QRSL1: variants seen among roughly 807,000 people sequenced by gnomAD.
The protein encoded by QRSL1 is glutamyl-tRNA(Gln) amidotransferase subunit A, mitochondrial.
QRSL1 carries 54 observed loss-of-function variants against 61.6 expected under a neutral mutation model. That is an observed-to-expected ratio of 0.88 (90% CI 0.70 to 1.10). QRSL1 has a LOEUF of 1.10. Among genes scored for constraint, QRSL1 ranks in the 50% least tolerant of loss-of-function variants. The pLI, the probability that QRSL1 is intolerant of heterozygous loss-of-function variation, is 0.00. For missense variants in QRSL1, 505 were observed against 622.6 expected (o/e 0.81, Z 2.01); for synonymous variants, 228 against 225.7 (o/e 1.01, Z -0.09).
intron 9 of QRSL1, among the ~76,000 whole-genome samples, chr6:106,660,981 G>C (rs1704062877): frequency 6.6e-6 from 1 of 152,010 alleles, no homozygotes; most frequent in African/African-American, 2.4e-5. Context: ...AGTTTTGGAG[G>C]GGACAAGCAT....
intron 9 of QRSL1, among the ~76,000 whole-genome samples, chr6:106,661,403 A>G (rs1435032593): frequency 1.3e-5 from 2 of 152,018 alleles, no homozygotes; most frequent in African/African-American, 2.4e-5. Context: ...ATGAGCCACC[A>G]GGCCCAGCCA....
At chr6:106,658,910 A>G (rs1480344510) in intron 9 of QRSL1, among the ~76,000 whole-genome samples, 1 of 152,056 alleles carries the variant, frequency 6.6e-6, no homozygotes, top group African/African-American at 2.4e-5. Context: ...CTTCACATGT[A>G]TATTAATCTG....
intron 1 of QRSL1, among the ~76,000 whole-genome samples, chr6:106,634,559 G>T (rs1329729960): frequency 6.6e-6 from 1 of 152,198 alleles, no homozygotes; most frequent in African/African-American, 2.4e-5. Context: ...CTGAGCTCAG[G>T]AGTTCAAGAC....
intron 1 of QRSL1, chr6:106,640,139 G>A: frequency 2.3e-6 from 1 of 441,468 alleles, no homozygotes; most frequent in East Asian, 4.0e-5. Flanking sequence ...GGAGAAGAAT[G>A]TCATGTCCTC....
chr6:106,652,563 T>G lies in QRSL1; in HGVS notation c.830T>G (p.Leu277Arg), dbSNP rs144453885. 326 of 1,614,102 alleles carry G rather than the reference T, an allele frequency of 2.0e-4. No homozygotes were observed. The highest frequency in any genetic ancestry group is 2.5e-4 in the Non-Finnish European group (299 of 1,180,054). The change falls in exon 7 of 11, where the codon CTA becomes CGA. Residue 277 changes from leucine (L) to arginine (R), a missense_variant. Physicochemically the swap from Leu to Arg is moderately radical, Grantham distance 102. Transcript: ENST00000369046. ...CCCAGTTTGGCAGATGTGAGCAAAC[T>G]ATGTATAGGAATTCCAAAGGTAACT... ...MLPSLADVSK[L>R]CIGIPKEYLV...
At chr6:106,649,909 TA>T (rs1466652117) in intron 5 of QRSL1, among the ~76,000 whole-genome samples, 2 of 152,324 alleles carry the variant, frequency 1.3e-5, no homozygotes, top group East Asian at 3.9e-4. Flanking sequence ...TGTGTTTCTT[TA>T]GTAATAGTTT....
chr6:106,652,234 T>C lies in QRSL1; in HGVS notation c.583T>C (p.Ser195Pro), dbSNP rs1427260646. ...GGCTTTAGGATCAGATACAGGAGGA[T>C]CGACCAGAAATCCTGCTGCCCACTG... is the stretch of plus-strand genomic sequence containing the variant. ...YAALGSDTGG[S>P]TRNPAAHCGL... Residue 195 changes from serine to proline, a missense_variant, in exon 6 of 11, where the codon TCG (serine) becomes CCG (proline). Transcript: ENST00000369046. 2.5e-6 allele frequency: 4 copies of C among 1,614,080 alleles called. No homozygotes were observed. The highest frequency in any genetic ancestry group is 3.4e-6 in the Non-Finnish European group (4 of 1,179,964).
At chr6:106,651,402 A>T (rs1259300027) in intron 5 of QRSL1, among the ~76,000 whole-genome samples, 8 of 152,172 alleles carry the variant, frequency 5.3e-5, no homozygotes, top group Non-Finnish European at 1.0e-4. Flanking sequence ...GTACTCAGTG[A>T]CGGTACTGAA....
Position 106,663,128 on chromosome 6 carries a change from G to C in QRSL1, c.1309G>C (p.Asp437His). Reference sequence around the variant, plus strand: ...ACCATACTTGGAGTTCATCAAAGAGGACAACAGAACCCGAAGTGCCCAGGA... The same window carrying C: ...ACCATACTTGGAGTTCATCAAAGAGCACAACAGAACCCGAAGTGCCCAGGA... ...AVPYLEFIKE[D>H]NRTRSAQDDI... The change falls in exon 10 of 11, where the codon GAC becomes CAC. Residue 437 changes from aspartate to histidine, a missense_variant. Physicochemically the swap from Asp to His is moderately conservative, Grantham distance 81. Transcript: ENST00000369046. The C allele has an allele frequency of 6.2e-7, 1 of 1,614,198 alleles. No homozygotes were observed. Among genetic ancestry groups the C allele is most frequent in the Non-Finnish European group, 8.5e-7 (1 of 1,180,032 alleles).
At chr6:106,648,776 A>G (rs1010054469) in intron 4 of QRSL1, among the ~76,000 whole-genome samples, 7 of 152,232 alleles carry the variant, frequency 4.6e-5, no homozygotes, top group African/African-American at 1.7e-4. Context: ...GATGATCAAA[A>G]GAGGCAAAAT....
At chr6:106,663,771 C>A (rs1056748409) in intron 10 of QRSL1, among the ~76,000 whole-genome samples, 1 of 152,066 alleles carries the variant, frequency 6.6e-6, no homozygotes, top group African/African-American at 2.4e-5. Flanking sequence ...TGCACTCTCA[C>A]CACACACACA....
intron 4 of QRSL1, among the ~76,000 whole-genome samples, chr6:106,645,240 A>T (rs1476175174): frequency 6.6e-6 from 1 of 152,202 alleles, no homozygotes; most frequent in African/African-American, 2.4e-5. Flanking sequence ...TAAGCTTGCT[A>T]ATTTCTACAA....
rs1368299266 is a variant in QRSL1, at chr6:106,649,114, A to G, written c.470A>G (p.His157Arg). Residue 157 changes from histidine to arginine, a missense_variant, in exon 5 of 11, where the codon CAC becomes CGC. His to Arg is a conservative substitution (Grantham distance 29). Coordinates refer to ENST00000369046, the MANE Select transcript of QRSL1 (RefSeq NM_018292.5). ...AGAGAAAAGAGGAAGCAGAATCCCC[A>G]CAGCGAGAATGAAGATTCAGACTGG... Reference protein sequence around the residue: ...QYREKRKQNPHSENEDSDWLI... With the variant: ...QYREKRKQNPRSENEDSDWLI... 1 of 1,614,102 alleles carries G rather than the reference A, an allele frequency of 6.2e-7. No homozygotes were observed. Among genetic ancestry groups the G allele is most frequent in the Non-Finnish European group, 8.5e-7 (1 of 1,180,028 alleles).
intron 1 of QRSL1, among the ~76,000 whole-genome samples, chr6:106,637,351 G>GA (rs1179381804): frequency 6.6e-6 from 1 of 152,190 alleles, no homozygotes; most frequent in Non-Finnish European, 1.5e-5. Context: ...TCAAAGAACT[G>GA]AAAAATCAGA....
chr6:106,630,362 C>G (rs1776796812), intron 1 of QRSL1, among the ~76,000 whole-genome samples: 1 of 151,756 alleles, frequency 6.6e-6, no homozygotes, highest in Non-Finnish European at 1.5e-5. Context: ...TCTGGTATTT[C>G]TGAATTCTTA....
chr6:106,659,446 C>T (rs888517121), intron 9 of QRSL1, among the ~76,000 whole-genome samples: 11 of 148,334 alleles, frequency 7.4e-5, no homozygotes, highest in South Asian at 2.1e-4. Context: ...GCCTGGGTGA[C>T]GGAGTGAGAC....
chr6:106,652,452 T>C lies in QRSL1; in HGVS notation c.734-15T>C, dbSNP rs1019736662. Reference sequence around the variant, plus strand: ...AAACAATATATCTGTCATTCATAAGTATTGCTCCTTACAGGTGCACTGGCC... The same window carrying C: ...AAACAATATATCTGTCATTCATAAGCATTGCTCCTTACAGGTGCACTGGCC... On this transcript the variant is annotated splice_polypyrimidine_tract_variant and intron_variant, in intron 6 of 10. Transcript: ENST00000369046. 2 of 1,613,610 alleles carry C rather than the reference T, an allele frequency of 1.2e-6. No individual in the cohort carries two copies. Among genetic ancestry groups the C allele is most frequent in the Non-Finnish European group, 1.7e-6 (2 of 1,179,516 alleles).
chr6:106,632,329 G>A (rs999796349), intron 1 of QRSL1, among the ~76,000 whole-genome samples: 24 of 152,156 alleles, frequency 1.6e-4, no homozygotes, highest in African/African-American at 4.3e-4. Flanking sequence ...GCATATATAC[G>A]TAGCAGTGGG....
chr6:106,665,420 C>T (rs1464213743), intron 10 of QRSL1, among the ~76,000 whole-genome samples: 2 of 151,770 alleles, frequency 1.3e-5, no homozygotes, highest in African/African-American at 4.8e-5. Context: ...TCAAGAATAC[C>T]AAAAAAATAC....
Sources: gnomAD v4.1 joint callset for allele counts (sites outside exome capture counted in the v4.1 genomes callset) on GRCh38, gnomAD v4.1.1 for gene constraint, MANE v1.5 for transcripts, NCBI Gene and HGNC (gene_info 2026-07-23, HGNC 2026-07-21) for gene names.